The following GRM8 variants were observed in gnomAD, a reference collection of about 807,000 sequenced individuals.
The protein encoded by GRM8 is metabotropic glutamate receptor 8.
Under a neutral mutation model 87.2 loss-of-function variants are expected in GRM8, and 47 were observed. That is an observed-to-expected ratio of 0.54 (90% confidence interval 0.43 to 0.69). GRM8 has a LOEUF of 0.69. GRM8 is among the 30% of genes least tolerant of loss of function. The pLI is 0.00. For synonymous variants in GRM8, 396 were observed against 404.5 expected (o/e 0.98, Z 0.25); for missense variants, 1,019 against 1,139.2 (o/e 0.89, Z 1.52).
intron 2 of GRM8, among the ~76,000 whole-genome samples, chr7:127,108,482 C>T (rs1275099734): frequency 6.6e-6 from 1 of 152,052 alleles, no homozygotes; most frequent in African/African-American, 2.4e-5. Flanking sequence ...CATTCTATAG[C>T]AAAATATATA....
At chr7:126,875,577 C>CA (rs1275694292) in intron 6 of GRM8, among the ~76,000 whole-genome samples, 1 of 152,110 alleles carries the variant, frequency 6.6e-6, no homozygotes, top group African/African-American at 2.4e-5. Context: ...GAGCCATCTA[C>CA]AAAATCAATT....
chr7:126,806,378 G>A (rs1423061361), intron 6 of GRM8, among the ~76,000 whole-genome samples: 1 of 152,238 alleles, frequency 6.6e-6, no homozygotes, highest in Non-Finnish European at 1.5e-5. Context: ...CGGACACAGA[G>A]TGAGCAGCAG....
At chr7:126,734,279 T>C (rs1426138055) in intron 7 of GRM8, among the ~76,000 whole-genome samples, 1 of 151,908 alleles carries the variant, frequency 6.6e-6, no homozygotes, top group Non-Finnish European at 1.5e-5. Context: ...AGTGGATAAA[T>C]TTTAAAACAT....
At chr7:126,973,477 T>C (rs1303337714) in intron 3 of GRM8, among the ~76,000 whole-genome samples, 1 of 152,170 alleles carries the variant, frequency 6.6e-6, no homozygotes, top group Non-Finnish European at 1.5e-5. Context: ...TAAATAAGAT[T>C]AAAAGTATAG....
chr7:127,146,897 C>T (rs1271433935), intron 2 of GRM8, among the ~76,000 whole-genome samples: 1 of 151,986 alleles, frequency 6.6e-6, no homozygotes, highest in African/African-American at 2.4e-5. Context: ...GTCACCTCTT[C>T]AACTCAAAGA....
chr7:126,687,494 T>C (rs1213067150), intron 7 of GRM8, among the ~76,000 whole-genome samples: 1 of 152,144 alleles, frequency 6.6e-6, no homozygotes, highest in African/African-American at 2.4e-5. Flanking sequence ...TCTATTCTAG[T>C]ATTAATGAAT....
At chr7:126,831,273 G>A (rs1424272473) in intron 6 of GRM8, among the ~76,000 whole-genome samples, 1 of 152,202 alleles carries the variant, frequency 6.6e-6, no homozygotes, top group Non-Finnish European at 1.5e-5. Context: ...GGTTACAGCT[G>A]TCTTTTTGTT....
At chr7:126,601,211 T>A (rs1378130755) in intron 8 of GRM8, among the ~76,000 whole-genome samples, 1 of 151,918 alleles carries the variant, frequency 6.6e-6, no homozygotes, top group African/African-American at 2.4e-5. Flanking sequence ...GATAGTTTAC[T>A]GAGAATGATG....
intron 2 of GRM8, among the ~76,000 whole-genome samples, chr7:127,176,951 G>A (rs1238223956): frequency 6.6e-6 from 1 of 152,174 alleles, no homozygotes; most frequent in East Asian, 1.9e-4. Context: ...ACAGGAGGAA[G>A]AAAATCTCTA....
intron 6 of GRM8, among the ~76,000 whole-genome samples, chr7:126,873,348 G>T (rs1028922514): frequency 6.6e-6 from 1 of 152,016 alleles, no homozygotes; most frequent in Non-Finnish European, 1.5e-5. Context: ...TGAGAGAAGC[G>T]AAACTTATTT....
At chr7:126,921,451 T>C (rs1488026662) in intron 3 of GRM8, among the ~76,000 whole-genome samples, 1 of 151,792 alleles carries the variant, frequency 6.6e-6, no homozygotes, top group African/African-American at 2.4e-5. Flanking sequence ...TTCTCAGAAC[T>C]GAAGAATAAG....
chr7:126,799,865 C>T (rs1312376572), intron 6 of GRM8, among the ~76,000 whole-genome samples: 2 of 152,090 alleles, frequency 1.3e-5, no homozygotes, highest in Non-Finnish European at 2.9e-5. Flanking sequence ...ATTGAGACTT[C>T]TAAGAACCTG....
At chr7:126,733,455 T>A (rs6953879) in intron 7 of GRM8, among the ~76,000 whole-genome samples, 1 of 149,754 alleles carries the variant, frequency 6.7e-6, no homozygotes. Flanking sequence ...GTGGCTTGCT[T>A]GGAAAAAAAA....
At position 127,026,682 on chromosome 7, in the gene GRM8, T is replaced by C. The variant is rs553188466; in HGVS notation, c.727+79814A>G. Among the ~76,000 whole-genome samples the C allele has an allele frequency of 2.0e-5, 3 of 152,088 alleles. No homozygotes were observed. The East Asian group carries it at 5.8e-4, about 30-fold the overall frequency. On this transcript the variant is annotated intron_variant, in intron 3 of 10. Transcript: ENST00000339582. ...GTGTCTGTTCATATCCTTTGCCCACTTTTTGATGGTTTTTTCTTGTAAATT... is the reference window on the plus strand; with the variant it reads ...GTGTCTGTTCATATCCTTTGCCCACCTTTTGATGGTTTTTTCTTGTAAATT...
intron 8 of GRM8, among the ~76,000 whole-genome samples, chr7:126,608,145 G>A (rs1798552003): frequency 6.9e-6 from 1 of 144,462 alleles, no homozygotes; most frequent in African/African-American, 2.5e-5. Context: ...CCCCACCCCA[G>A]CATCCACAGC....
chr7:127,097,489 A>G lies in GRM8; in HGVS notation c.727+9007T>C, dbSNP rs184502201. ...CCACATATAGTTAAGATTGAAGGTAATTAACAAATCAAGCAAAAACCCTCT... is the reference window on the plus strand; with the variant it reads ...CCACATATAGTTAAGATTGAAGGTAGTTAACAAATCAAGCAAAAACCCTCT... On this transcript the variant is annotated intron_variant, in intron 3 of 10. Transcript: ENST00000339582. 2.0e-5 allele frequency among the ~76,000 whole-genome samples: 3 copies of G among 152,288 alleles called. No individual in the cohort carries two copies. The East Asian group carries it at 5.8e-4, about 29-fold the overall frequency.
chr7:126,519,262 T>A (rs926812815), intron 9 of GRM8, among the ~76,000 whole-genome samples: 1 of 152,014 alleles, frequency 6.6e-6, no homozygotes, highest in African/African-American at 2.4e-5. Flanking sequence ...TGTAAAATAA[T>A]GGACATCCAG....
chr7:126,797,922 A>G (rs1585978124), intron 6 of GRM8, among the ~76,000 whole-genome samples: 1 of 152,078 alleles, frequency 6.6e-6, no homozygotes, highest in African/African-American at 2.4e-5. Flanking sequence ...AGTAAGATGG[A>G]GACAACAAAT....
chr7:126,987,181 T>TA lies in GRM8; in HGVS notation c.728-82499dup, dbSNP rs200556481. 4.8e-3 allele frequency among the ~76,000 whole-genome samples: 734 copies of TA among 152,286 alleles called. 4 individuals are homozygous for TA. The highest frequency in any genetic ancestry group is 0.024 in the Middle Eastern group (7 of 294). On this transcript the variant is annotated intron_variant, in intron 3 of 10. Coordinates refer to ENST00000339582, the MANE Select transcript of GRM8 (RefSeq NM_000845.3). ...AAAGGTGTTATAGCTTTTAGTCGTGTAAAAAACTTTTCTTTTTGAGATCTG... is the reference window on the plus strand; with the variant it reads ...AAAGGTGTTATAGCTTTTAGTCGTGTAAAAAAACTTTTCTTTTTGAGATCTG...
Sources: gnomAD v4.1 joint callset for allele counts (sites outside exome capture counted in the v4.1 genomes callset) on GRCh38, gnomAD v4.1.1 for gene constraint, MANE v1.5 for transcripts, NCBI Gene and HGNC (gene_info 2026-07-23, HGNC 2026-07-21) for gene names.